Variants in NMRK1 observed in about 807,000 individuals in gnomAD.
NMRK1 encodes the protein NRK 1.
NMRK1 carries 28 observed loss-of-function variants against 29.9 expected under a neutral mutation model. The observed-to-expected ratio is 0.94, with a 90% CI of 0.69 to 1.28. NMRK1 has a LOEUF of 1.28. NMRK1 is among the 50% of genes most tolerant of loss of function. The pLI is 0.00. For synonymous variants in NMRK1, 58 were observed against 73.0 expected, an observed-to-expected ratio of 0.79 and a Z score of 1.05; for missense variants, 218 against 233.1, an observed-to-expected ratio of 0.94 and a Z score of 0.42.
At chr9:75,085,741 T>G (rs3780176) in intron 1 of NMRK1, among the ~76,000 whole-genome samples, 7 of 150,194 alleles carry the variant, frequency 4.7e-5, no homozygotes, top group Admixed American at 2.0e-4. Flanking sequence ...TTTTTTTTTT[T>G]TTTTTTTTTT....
At chr9:75,082,343 T>A (rs1446914593) in intron 2 of NMRK1, among the ~76,000 whole-genome samples, 1 of 152,178 alleles carries the variant, frequency 6.6e-6, no homozygotes, top group Non-Finnish European at 1.5e-5. Flanking sequence ...TTCACTCAAT[T>A]TTACTTCTGA....
intron 4 of NMRK1, among the ~76,000 whole-genome samples, chr9:75,074,425 T>TG (rs1823876121): frequency 6.6e-6 from 1 of 152,138 alleles, no homozygotes; most frequent in African/African-American, 2.4e-5. Context: ...TCTCACTCTG[T>TG]CACCTAAGCT....
intron 2 of NMRK1, among the ~76,000 whole-genome samples, chr9:75,081,430 A>C (rs1052937262): frequency 1.3e-5 from 2 of 152,206 alleles, no homozygotes; most frequent in African/African-American, 2.4e-5. Flanking sequence ...CTGTTTCTTA[A>C]AAGAAAAAAA....
intron 2 of NMRK1, among the ~76,000 whole-genome samples, chr9:75,078,997 A>C (rs1016409848): frequency 6.6e-6 from 1 of 152,238 alleles, no homozygotes; most frequent in Non-Finnish European, 1.5e-5. Flanking sequence ...AGATTTCACC[A>C]TACCACCAAA....
At chr9:75,085,201 A>C (rs2118278721) in intron 1 of NMRK1, among the ~76,000 whole-genome samples, 1 of 152,356 alleles carries the variant, frequency 6.6e-6, no homozygotes, top group South Asian at 2.1e-4. Context: ...CTGAAGCATA[A>C]ATTCTCAAAC....
At chr9:75,076,659 C>T (rs374113936) in intron 4 of NMRK1, among the ~76,000 whole-genome samples, 3 of 152,198 alleles carry the variant, frequency 2.0e-5, no homozygotes, top group East Asian at 1.9e-4. Flanking sequence ...GGTGCGATCT[C>T]GGTTCACTGC....
chr9:75,064,097 C>T (rs1412564988), intron 8 of NMRK1, among the ~76,000 whole-genome samples: 2 of 152,154 alleles, frequency 1.3e-5, no homozygotes, highest in Non-Finnish European at 2.9e-5. Context: ...TGTGAGCTAG[C>T]AGCACCTGTC....
intron 4 of NMRK1, among the ~76,000 whole-genome samples, chr9:75,073,578 TA>T (rs1053124523): frequency 2.4e-4 from 35 of 147,996 alleles, no homozygotes; most frequent in African/African-American, 2.2e-4. Context: ...AAATCTACTT[TA>T]AAAAAAAAAA....
At chr9:75,066,378 A>G (rs1823350147) in intron 8 of NMRK1, 1 of 439,868 alleles carries the variant, frequency 2.3e-6, no homozygotes, top group South Asian at 1.7e-5. Context: ...ATTTTACAGA[A>G]AGTCTTTAAG....
Position 75,063,305 on chromosome 9 carries a change from C to CA in NMRK1, c.581-1739dup, listed in dbSNP as rs35418961. On this transcript the variant is annotated intron_variant, in intron 8 of 8. Coordinates refer to ENST00000361092, the MANE Select transcript of NMRK1 (RefSeq NM_017881.3). ...TGGGCGACAGAGCGAGACTCCATCT[C>CA]AAAAAAAAAAAAAAAGAAAGAAAAA... Among the ~76,000 whole-genome samples, 1,032 of 119,532 alleles carry CA rather than the reference C, an allele frequency of 8.6e-3. 15 individuals are homozygous for CA. Among genetic ancestry groups the CA allele is most frequent in the African/African-American group, 0.023 (705 of 31,292 alleles). 78.4% of individuals were successfully genotyped at this position (119,532 alleles called of 152,430 possible).
At chr9:75,067,064 T>C (rs1823396200) in intron 7 of NMRK1, 1 of 380,718 alleles carries the variant, frequency 2.6e-6, no homozygotes, top group East Asian at 4.2e-5. Flanking sequence ...CACTGGCTTA[T>C]GTGAAAATTA....
At chr9:75,084,430 A>C (rs543098766) in intron 1 of NMRK1, among the ~76,000 whole-genome samples, 1 of 152,362 alleles carries the variant, frequency 6.6e-6, no homozygotes, top group South Asian at 2.1e-4. Flanking sequence ...ATTGAGTACA[A>C]TTGCTTAAGA....
chr9:75,086,966 C>T (rs1198581538), intron 1 of NMRK1, among the ~76,000 whole-genome samples: 1 of 148,334 alleles, frequency 6.7e-6, no homozygotes, highest in Non-Finnish European at 1.5e-5. Flanking sequence ...AGTGCAGTGG[C>T]GCAATCTCGG....
chr9:75,066,965 T>C (rs1823390910), intron 7 of NMRK1, 125 bp from the exon 8 acceptor site: 1 of 593,938 alleles, frequency 1.7e-6, no homozygotes, highest in Admixed American at 3.2e-5. Context: ...GACCATAACT[T>C]AAAAGGAAAT....
intron 4 of NMRK1, among the ~76,000 whole-genome samples, chr9:75,076,228 T>C (rs1403594858): frequency 6.6e-6 from 1 of 152,226 alleles, no homozygotes; most frequent in East Asian, 1.9e-4. Flanking sequence ...GTATATGTAA[T>C]GGAATATCAT....
chr9:75,077,862 C>T (rs916123481), intron 2 of NMRK1, among the ~76,000 whole-genome samples: 1 of 152,164 alleles, frequency 6.6e-6, no homozygotes, highest in African/African-American at 2.4e-5. Flanking sequence ...TCTGAAACTC[C>T]TGACCTCAGA....
chr9:75,063,077 G>A (rs1353621603), intron 8 of NMRK1, among the ~76,000 whole-genome samples: 7 of 151,510 alleles, frequency 4.6e-5, no homozygotes, highest in Non-Finnish European at 7.4e-5. Context: ...TTGGGAGGCC[G>A]AGGCGGGCGG....
At chr9:75,065,651 G>T (rs1823295793) in intron 8 of NMRK1, among the ~76,000 whole-genome samples, 1 of 152,038 alleles carries the variant, frequency 6.6e-6, no homozygotes, top group African/African-American at 2.4e-5. Context: ...GGTGTTAGGT[G>T]GGGTATTCAA....
At chr9:75,071,430 T>A (rs1322522484) in intron 4 of NMRK1, among the ~76,000 whole-genome samples, 1 of 152,250 alleles carries the variant, frequency 6.6e-6, no homozygotes, top group African/African-American at 2.4e-5. Flanking sequence ...TTACAGCCTT[T>A]TAATAATGCT....
Sources: gnomAD v4.1 joint callset for allele counts (sites outside exome capture counted in the v4.1 genomes callset) on GRCh38, gnomAD v4.1.1 for gene constraint, MANE v1.5 for transcripts, NCBI Gene and HGNC (gene_info 2026-07-23, HGNC 2026-07-21) for gene names.